Variants in GRIK4 observed in about 807,000 individuals in gnomAD.
The protein encoded by GRIK4 is glutamate ionotropic receptor kainate type subunit 4, also known as glutamate receptor ionotropic, kainate 4.
In GRIK4, 40 loss-of-function variants were observed where a neutral mutation model predicts 104.9. That is an observed-to-expected ratio of 0.38 (90% CI 0.30 to 0.50). The LOEUF is 0.50. Ranked by LOEUF, GRIK4 falls within the 20% of genes least tolerant of loss-of-function variation. The pLI is 0.93. For synonymous variants in GRIK4, 485 were observed against 524.9 expected (o/e 0.92, Z 1.04); for missense variants, 1,047 against 1,308.1 (o/e 0.80, Z 3.08).
rs1306854453 is a variant in GRIK4 at position 120,903,374 on chromosome 11, G to C, written c.1273-1916G>C. Among the ~76,000 whole-genome samples the C allele has an allele frequency of 6.6e-6, 1 of 151,990 alleles. No individual in the cohort carries two copies. Reference sequence around the variant, plus strand: ...CACTTTCAGCACAACTCTGGGGCCAGCACGAGCTCCCTTCTCTCTGTGAAC... The same window carrying C: ...CACTTTCAGCACAACTCTGGGGCCACCACGAGCTCCCTTCTCTCTGTGAAC... On this transcript the variant is annotated intron_variant, in intron 12 of 20. Coordinates refer to ENST00000527524, the MANE Select transcript of GRIK4 (RefSeq NM_014619.5). This position sits in a 1 kb window ranked among gnomAD's most constrained non-coding sequence, Gnocchi z 4.4.
chr11:120,907,255 T>A (rs1378794903), intron 13 of GRIK4, among the ~76,000 whole-genome samples: 4 of 152,168 alleles, frequency 2.6e-5, no homozygotes, highest in African/African-American at 9.7e-5. Context: ...TGAGCTGATT[T>A]CTTTGGTCTC....
intron 6 of GRIK4, among the ~76,000 whole-genome samples, chr11:120,828,444 G>A (rs1333096768): frequency 6.6e-6 from 1 of 152,200 alleles, no homozygotes; most frequent in Non-Finnish European, 1.5e-5. Context: ...ATGGGGTAAA[G>A]GGTAGTTGGG....
intron 11 of GRIK4, among the ~76,000 whole-genome samples, chr11:120,892,024 A>G (rs1955315583): frequency 6.6e-6 from 1 of 152,136 alleles, no homozygotes; most frequent in African/African-American, 2.4e-5. Flanking sequence ...TTTATTTCAG[A>G]AAATAGGGAG....
At chr11:120,893,189 G>A (rs1269133959) in intron 11 of GRIK4, among the ~76,000 whole-genome samples, 3 of 152,164 alleles carry the variant, frequency 2.0e-5, no homozygotes, top group Admixed American at 6.5e-5. Context: ...GGAAACAATG[G>A]TTTTGAATAA....
chr11:120,947,084 G>A (rs894389935), intron 14 of GRIK4, among the ~76,000 whole-genome samples: 4 of 152,174 alleles, frequency 2.6e-5, no homozygotes, highest in South Asian at 2.1e-4. Flanking sequence ...TCAAGAAAAA[G>A]AAAAATCAGA....
At chr11:120,680,771 G>T (rs762965969) in intron 3 of GRIK4, among the ~76,000 whole-genome samples, 1 of 152,220 alleles carries the variant, frequency 6.6e-6, no homozygotes, top group Non-Finnish European at 1.5e-5. Flanking sequence ...CTGGATAGAG[G>T]CGAAGGGAGC....
At position 120,988,622 on chromosome 11, in the gene GRIK4, T is replaced by G. The variant is rs991413132; in HGVS notation, c.*2362T>G. 5.3e-5 allele frequency: 8 copies of G among 152,302 alleles called. No homozygotes were observed. Among genetic ancestry groups the G allele is most frequent in the African/African-American group, 1.4e-4 (6 of 41,564 alleles). 9.4% of individuals were successfully genotyped at this position (152,302 alleles called of 1,614,324 possible). Reference sequence around the variant, plus strand: ...GCCTCACCTTGCTCAAGCTAGTGGGTGAATTTGCAACCAGCTAATACTCTT... The same window carrying G: ...GCCTCACCTTGCTCAAGCTAGTGGGGGAATTTGCAACCAGCTAATACTCTT... On this transcript the variant is annotated 3_prime_UTR_variant, in exon 21 of 21. Transcript: ENST00000527524.
intron 20 of GRIK4, among the ~76,000 whole-genome samples, chr11:120,984,820 CTTTTTT>C (rs569201252): frequency 1.7e-5 from 2 of 115,810 alleles, no homozygotes; most frequent in Non-Finnish European, 3.5e-5. Flanking sequence ...CATCTATATT[CTTTTTT>C]TTTTTTTTTT....
chr11:120,686,147 A>G (rs1950273655), intron 3 of GRIK4, among the ~76,000 whole-genome samples: 1 of 151,598 alleles, frequency 6.6e-6, no homozygotes, highest in South Asian at 2.1e-4. Context: ...TAAGCGCATA[A>G]TAAATGTTAG....
intron 1 of GRIK4, among the ~76,000 whole-genome samples, chr11:120,571,232 T>C (rs1206567856): frequency 6.6e-6 from 1 of 152,226 alleles, no homozygotes; most frequent in Non-Finnish European, 1.5e-5. Flanking sequence ...CTTGGTTTAC[T>C]CCATTGTTTT....
chr11:120,914,964 G>T (rs1943075065), intron 13 of GRIK4, among the ~76,000 whole-genome samples: 1 of 152,202 alleles, frequency 6.6e-6, no homozygotes. Flanking sequence ...TTATGGCTGT[G>T]TGGGGACTTC....
chr11:120,742,421 G>GA (rs201903215), intron 3 of GRIK4, among the ~76,000 whole-genome samples: 8 of 148,310 alleles, frequency 5.4e-5, no homozygotes, highest in Admixed American at 1.3e-4. Context: ...ACAAGCATAT[G>GA]AAAAAAAAAG....
At chr11:120,760,224 A>G (rs1353771838) in intron 3 of GRIK4, among the ~76,000 whole-genome samples, 4 of 151,766 alleles carry the variant, frequency 2.6e-5, no homozygotes, top group South Asian at 2.1e-4. Flanking sequence ...TATTCTACAT[A>G]TAACTGAGAT....
At chr11:120,834,380 T>A (rs142815157) in intron 7 of GRIK4, among the ~76,000 whole-genome samples, 3 of 152,114 alleles carry the variant, frequency 2.0e-5, no homozygotes, top group Non-Finnish European at 2.9e-5. Context: ...CTCAGGGCTG[T>A]CTTTCCTGAG....
At chr11:120,699,986 C>A (rs1465488440) in intron 3 of GRIK4, among the ~76,000 whole-genome samples, 4 of 152,084 alleles carry the variant, frequency 2.6e-5, no homozygotes, top group African/African-American at 9.7e-5. Context: ...CAAAGTAAGG[C>A]CATGATTGGA....
At chr11:120,639,349 A>G (rs1949441186) in intron 1 of GRIK4, among the ~76,000 whole-genome samples, 1 of 152,230 alleles carries the variant, frequency 6.6e-6, no homozygotes, top group African/African-American at 2.4e-5. Flanking sequence ...TCCTGGAACC[A>G]TCTGAGCTCT....
chr11:120,745,328 A>T (rs552837583), intron 3 of GRIK4, among the ~76,000 whole-genome samples: 1 of 152,132 alleles, frequency 6.6e-6, no homozygotes, highest in Non-Finnish European at 1.5e-5. Context: ...TAAATCTATA[A>T]ATTTTTTTTT....
intron 3 of GRIK4, among the ~76,000 whole-genome samples, chr11:120,742,902 G>A (rs1433715815): frequency 6.6e-6 from 1 of 152,100 alleles, no homozygotes; most frequent in Non-Finnish European, 1.5e-5. Flanking sequence ...AAGAAAATGT[G>A]GTACATATAC....
chr11:120,983,745 A>G (rs538836816), intron 20 of GRIK4, among the ~76,000 whole-genome samples: 11 of 152,288 alleles, frequency 7.2e-5, no homozygotes, highest in African/African-American at 2.6e-4. Context: ...AGTGTAACCT[A>G]TGCATGAACC....
Sources: allele counts gnomAD v4.1 joint callset (sites outside exome capture counted in the v4.1 genomes callset), GRCh38; gene constraint gnomAD v4.1.1; non-coding constraint Gnocchi (gnomAD v3.1); transcripts MANE v1.5; gene names NCBI Gene and HGNC (gene_info 2026-07-23, HGNC 2026-07-21).